The following DLG2 variants were observed in gnomAD, a reference collection of about 807,000 sequenced individuals.
DLG2 encodes disks large homolog 2.
Under a neutral mutation model 132.5 loss-of-function variants are expected in DLG2, and 45 were observed. The observed-to-expected ratio is 0.34, with a 90% CI of 0.27 to 0.44. DLG2 has a LOEUF of 0.44. Among genes scored for constraint, DLG2 ranks in the 20% least tolerant of loss-of-function variants. The pLI is 1.00. For synonymous variants in DLG2, 424 were observed against 419.6 expected, an observed-to-expected ratio of 1.01 and a Z score of -0.13; for missense variants, 1,045 against 1,196.9, an observed-to-expected ratio of 0.87 and a Z score of 1.87.
At chr11:83,661,568 G>T (rs1398701482) in intron 18 of DLG2, among the ~76,000 whole-genome samples, 4 of 151,000 alleles carry the variant, frequency 2.6e-5, no homozygotes, top group African/African-American at 9.7e-5. Flanking sequence ...ATTTTTTTTT[G>T]GTTAGAAACA....
At position 84,560,642 on chromosome 11, in the gene DLG2, G is replaced by C. The variant is rs1023746015; in HGVS notation, c.358-25911C>G. Among the ~76,000 whole-genome samples, 4 of 151,868 alleles carry C rather than the reference G, an allele frequency of 2.6e-5. No individual in the cohort carries two copies. In the East Asian group the frequency reaches 7.7e-4, roughly 29 times the overall value. On this transcript the variant is annotated intron_variant, in intron 6 of 27. Coordinates refer to ENST00000376104, the MANE Select transcript of DLG2 (RefSeq NM_001142699.3). ...TAAAATAAAACAAATGTACATTTTG[G>C]GTTAAAATCAACAGAAAATCATAAA...
At chr11:84,081,091 TAAC>T (rs1233254498) in intron 10 of DLG2, among the ~76,000 whole-genome samples, 1 of 152,026 alleles carries the variant, frequency 6.6e-6, no homozygotes, top group Admixed American at 6.6e-5. Context: ...TTAAAGGAGT[TAAC>T]AAACGATAGG....
At chr11:85,211,513 A>G (rs1296552501) in intron 4 of DLG2, among the ~76,000 whole-genome samples, 2 of 152,064 alleles carry the variant, frequency 1.3e-5, no homozygotes, top group Non-Finnish European at 2.9e-5. Context: ...CCCTTGTGAA[A>G]ATTTTCTTCA....
At chr11:85,394,921 C>A (rs1013317176) in intron 3 of DLG2, among the ~76,000 whole-genome samples, 6 of 152,168 alleles carry the variant, frequency 3.9e-5, no homozygotes, top group African/African-American at 1.4e-4. Context: ...GCCTGTTCTG[C>A]AGGGCTCCAA....
chr11:84,253,381 C>A (rs1281448381), intron 7 of DLG2, among the ~76,000 whole-genome samples: 1 of 152,180 alleles, frequency 6.6e-6, no homozygotes, highest in African/African-American at 2.4e-5. Flanking sequence ...TAACAACTTT[C>A]CAAAAAGGTT....
intron 6 of DLG2, among the ~76,000 whole-genome samples, chr11:84,855,323 G>C (rs373850440): frequency 6.6e-6 from 1 of 152,032 alleles, no homozygotes; most frequent in Non-Finnish European, 1.5e-5. Flanking sequence ...AGTGATAACC[G>C]GGAATAATGA....
intron 7 of DLG2, among the ~76,000 whole-genome samples, chr11:84,502,273 TCCTTC>T (rs2099215573): frequency 1.7e-5 from 1 of 59,850 alleles, no homozygotes; most frequent in Admixed American, 1.3e-4. Flanking sequence ...CTTCCTTCCT[TCCTTC>T]CTTCTTTCTT....
At chr11:84,486,073 A>G (rs1236448506) in intron 7 of DLG2, among the ~76,000 whole-genome samples, 1 of 152,094 alleles carries the variant, frequency 6.6e-6, no homozygotes, top group African/African-American at 2.4e-5. Flanking sequence ...TCCACAATCT[A>G]TTGGTCAGAA....
chr11:84,704,525 C>T (rs2059579790), intron 6 of DLG2, among the ~76,000 whole-genome samples: 3 of 151,266 alleles, frequency 2.0e-5, no homozygotes, highest in Non-Finnish European at 4.4e-5. Flanking sequence ...TTAATAAGCA[C>T]CTACTATGTG....
chr11:84,107,616 T>C (rs2093057690), intron 9 of DLG2, among the ~76,000 whole-genome samples: 1 of 152,088 alleles, frequency 6.6e-6, no homozygotes, highest in Non-Finnish European at 1.5e-5. Context: ...TGACACAGCA[T>C]AACTCAGCCA....
intron 6 of DLG2, among the ~76,000 whole-genome samples, chr11:84,603,122 G>T (rs573539012): frequency 6.6e-6 from 1 of 151,898 alleles, no homozygotes; most frequent in Non-Finnish European, 1.5e-5. Context: ...CTTCTACTGA[G>T]AATTAATTGC....
chr11:83,901,591 A>G (rs1194283123), intron 15 of DLG2, among the ~76,000 whole-genome samples: 3 of 152,148 alleles, frequency 2.0e-5, no homozygotes, highest in African/African-American at 7.2e-5. Context: ...TTCTGCCATG[A>G]TTGTGAGGTT....
chr11:84,729,173 A>C (rs963026490), intron 6 of DLG2, among the ~76,000 whole-genome samples: 2 of 151,754 alleles, frequency 1.3e-5, no homozygotes, highest in African/African-American at 4.8e-5. Flanking sequence ...TTTAATTGTG[A>C]TGTTAGGGTG....
At chr11:83,955,224 A>G (rs2086532147) in intron 14 of DLG2, among the ~76,000 whole-genome samples, 1 of 152,200 alleles carries the variant, frequency 6.6e-6, no homozygotes, top group Non-Finnish European at 1.5e-5. Context: ...ACGGCAACAC[A>G]GAGGCAAAGG....
At chr11:84,785,129 T>C (rs2072639309) in intron 6 of DLG2, among the ~76,000 whole-genome samples, 1 of 152,062 alleles carries the variant, frequency 6.6e-6, no homozygotes, top group South Asian at 2.1e-4. Flanking sequence ...TTTGTTCAGA[T>C]CAGGCTGCAA....
intron 21 of DLG2, among the ~76,000 whole-genome samples, chr11:83,514,388 A>G (rs1416194403): frequency 6.6e-6 from 1 of 152,182 alleles, no homozygotes; most frequent in African/African-American, 2.4e-5. Flanking sequence ...TTGTATCCTG[A>G]GACTTTGCTG....
chr11:85,510,699 G>A (rs1047539715), intron 3 of DLG2, among the ~76,000 whole-genome samples: 4 of 152,082 alleles, frequency 2.6e-5, no homozygotes, highest in Non-Finnish European at 4.4e-5. Context: ...TTAGAATGGT[G>A]ATCATTAAAA....
intron 6 of DLG2, among the ~76,000 whole-genome samples, chr11:84,803,382 G>A (rs1315196431): frequency 3.3e-5 from 5 of 152,082 alleles, no homozygotes; most frequent in Non-Finnish European, 5.9e-5. Flanking sequence ...ACAAAAATAG[G>A]AGACTATGAA....
At chr11:84,549,927 G>A (rs113494776) in intron 6 of DLG2, among the ~76,000 whole-genome samples, 8,064 of 151,822 alleles carry the variant, frequency 0.053, 248 homozygotes, top group South Asian at 0.082. Context: ...ATAATTTTTT[G>A]TATTTTTAAG....
Sources: gnomAD v4.1 joint callset for allele counts (sites outside exome capture counted in the v4.1 genomes callset) on GRCh38, gnomAD v4.1.1 for gene constraint, MANE v1.5 for transcripts, NCBI Gene and HGNC (gene_info 2026-07-23, HGNC 2026-07-21) for gene names.